The following ENTREP2 variants were observed in gnomAD, a reference collection of about 807,000 sequenced individuals.
ENTREP2 encodes the protein protein ENTREP2.
At chr15:29,467,875 G>T in the ENTREP2 span, among the ~76,000 whole-genome samples, 3 of 152,088 alleles carry the variant, frequency 2.0e-5, no homozygotes, top group Admixed American at 2.0e-4. Flanking sequence ...ACAACCCACT[G>T]CCCTTCTCTG....
chr15:29,340,801 A>C, the ENTREP2 span, among the ~76,000 whole-genome samples: 1 of 152,210 alleles, frequency 6.6e-6, no homozygotes, highest in Non-Finnish European at 1.5e-5. Context: ...TGGATGAAAA[A>C]GTCCCAAACC....
At chr15:29,362,679 G>A in the ENTREP2 span, among the ~76,000 whole-genome samples, 3 of 151,876 alleles carry the variant, frequency 2.0e-5, no homozygotes, top group South Asian at 6.2e-4. Context: ...CCGGCCCCTT[G>A]TTTTTCATCT....
chr15:29,411,640 G>A, the ENTREP2 span, among the ~76,000 whole-genome samples: 10 of 152,162 alleles, frequency 6.6e-5, no homozygotes, highest in African/African-American at 1.9e-4. Context: ...TCTTCGTGAT[G>A]TCTTTCAATA....
chr15:29,577,408 C>T, the ENTREP2 span, among the ~76,000 whole-genome samples: 34 of 151,756 alleles, frequency 2.2e-4, no homozygotes, highest in African/African-American at 7.3e-4. Flanking sequence ...GGCTGGAGTG[C>T]AGTGGCACAA....
chr15:29,278,623 T>C, the ENTREP2 span, among the ~76,000 whole-genome samples: 1 of 152,150 alleles, frequency 6.6e-6, no homozygotes, highest in Non-Finnish European at 1.5e-5. Flanking sequence ...GCTGGGCCTC[T>C]TGCTACTTGC....
the ENTREP2 span, among the ~76,000 whole-genome samples, chr15:29,159,214 G>A: frequency 3.9e-5 from 6 of 152,182 alleles, no homozygotes; most frequent in South Asian, 4.2e-4. Flanking sequence ...GCTGGCCTAG[G>A]AGTGAAACCA....
At chr15:29,654,523 A>G in the ENTREP2 span, among the ~76,000 whole-genome samples, 1 of 151,952 alleles carries the variant, frequency 6.6e-6, no homozygotes, top group East Asian at 1.9e-4. Flanking sequence ...AAGAACTTAC[A>G]TGAATTTTTA....
chr15:29,487,717 G>A, the ENTREP2 span, among the ~76,000 whole-genome samples: 2 of 152,240 alleles, frequency 1.3e-5, no homozygotes, highest in African/African-American at 2.4e-5. Flanking sequence ...TTTTGAGACA[G>A]GGTCTCACTC....
At chr15:29,635,710 TTGA>T in the ENTREP2 span, among the ~76,000 whole-genome samples, 1 of 152,160 alleles carries the variant, frequency 6.6e-6, no homozygotes, top group Non-Finnish European at 1.5e-5. Context: ...CCATGCGCTG[TTGA>T]TGATGTGAGA....
chr15:29,243,853 T>C, the ENTREP2 span, among the ~76,000 whole-genome samples: 1 of 152,140 alleles, frequency 6.6e-6, no homozygotes, highest in Non-Finnish European at 1.5e-5. Flanking sequence ...AGTAGTCAAA[T>C]TACCTCCCCC....
chr15:29,532,330 A>C, the ENTREP2 span, among the ~76,000 whole-genome samples: 1 of 152,256 alleles, frequency 6.6e-6, no homozygotes, highest in African/African-American at 2.4e-5. Context: ...ATCTGATTAA[A>C]ATGTAGTTAT....
chr15:29,424,412 A>C, the ENTREP2 span, among the ~76,000 whole-genome samples: 1 of 152,124 alleles, frequency 6.6e-6, no homozygotes, highest in Non-Finnish European at 1.5e-5. Flanking sequence ...TAGAGTGCCG[A>C]TTGGTGCATT....
chr15:29,226,652 C>A, the ENTREP2 span, among the ~76,000 whole-genome samples: 1 of 152,156 alleles, frequency 6.6e-6, no homozygotes, highest in African/African-American at 2.4e-5. Flanking sequence ...CAGGGTTGCC[C>A]TGGTTACTAT....
chr15:29,458,581 G>T, the ENTREP2 span, among the ~76,000 whole-genome samples: 12 of 152,232 alleles, frequency 7.9e-5, no homozygotes, highest in African/African-American at 2.6e-4. Flanking sequence ...CCCTGGACTT[G>T]GAGGTGACCC....
the ENTREP2 span, among the ~76,000 whole-genome samples, chr15:29,583,646 CTAA>C: frequency 6.6e-6 from 1 of 152,144 alleles, no homozygotes; most frequent in Non-Finnish European, 1.5e-5. Flanking sequence ...AACTTAAAAA[CTAA>C]TAATAATAAT....
the ENTREP2 span, among the ~76,000 whole-genome samples, chr15:29,229,614 G>C: frequency 6.6e-6 from 1 of 152,166 alleles, no homozygotes; most frequent in Non-Finnish European, 1.5e-5. Context: ...CCTTTTGGGA[G>C]TTGGTATCAT....
chr15:29,496,021 G>A, the ENTREP2 span, among the ~76,000 whole-genome samples: 1 of 151,882 alleles, frequency 6.6e-6, no homozygotes, highest in Non-Finnish European at 1.5e-5. Context: ...TTATAATATT[G>A]ATTATTCTGA....
At chr15:29,452,673 T>C in the ENTREP2 span, 1 of 152,230 alleles carries the variant, frequency 6.6e-6, no homozygotes, top group Non-Finnish European at 1.5e-5. Flanking sequence ...GAGATGCTTC[T>C]GCAAGCATGC....
At chr15:29,429,234 T>TCCATCC in the ENTREP2 span, among the ~76,000 whole-genome samples, 2 of 146,388 alleles carry the variant, frequency 1.4e-5, no homozygotes, top group African/African-American at 5.0e-5. Context: ...TCCATCCATC[T>TCCATCC]ATCTTGAGAT....
Sources: allele counts gnomAD v4.1 joint callset (sites outside exome capture counted in the v4.1 genomes callset), GRCh38; gene constraint gnomAD v4.1.1; transcripts MANE v1.5; gene names NCBI Gene and HGNC (gene_info 2026-07-23, HGNC 2026-07-21).